The following LRCH3 variants were observed in gnomAD, a reference collection of about 807,000 sequenced individuals.
LRCH3 encodes DISP complex protein LRCH3.
Under a neutral mutation model 104.5 loss-of-function variants are expected in LRCH3, and 68 were observed. That is an observed-to-expected ratio of 0.65 (90% CI 0.54 to 0.80). LRCH3 has a LOEUF of 0.80. LRCH3 is among the 30% of genes least tolerant of loss of function. The pLI, the probability that LRCH3 is intolerant of heterozygous loss-of-function variation, is 0.00. For synonymous variants in LRCH3, 344 were observed against 361.3 expected (o/e 0.95, Z 0.54); for missense variants, 951 against 953.9 (o/e 1.00, Z 0.04).
In LRCH3 at chr3:197,854,406, CAGA is replaced by C. The variant is rs749508092; in HGVS notation, c.1608_1610del (p.Arg537del). 1 of 1,614,094 alleles carries C rather than the reference CAGA, an allele frequency of 6.2e-7. No individual in the cohort carries two copies. The highest frequency in any genetic ancestry group is 1.1e-5 in the South Asian group (1 of 91,078). On this transcript the variant is annotated inframe_deletion, in exon 14 of 21. Coordinates refer to ENST00000425562, the MANE Select transcript of LRCH3 (RefSeq NM_001365715.1). The surrounding 1 kb of genome is among the most constrained non-coding windows in gnomAD (Gnocchi z 4.5). ...CATCTCTCCAGTGCCCCTTCCCATC[CAGA>C]AGGTCTCAGCACACTGATGATAGTG...
Position 197,825,297 on chromosome 3 carries a change from A to T in LRCH3, c.641-1581A>T, listed in dbSNP as rs1054159934. On this transcript the variant is annotated intron_variant, in intron 4 of 20. Transcript: ENST00000425562. Reference sequence around the variant, plus strand: ...GTTGTTTTAATTTAATGTGCTGGATACTTGGTGGGCCCCTTTCCAAACCAG... The same window carrying T: ...GTTGTTTTAATTTAATGTGCTGGATTCTTGGTGGGCCCCTTTCCAAACCAG... Among the ~76,000 whole-genome samples, 4 of 149,796 alleles carry T rather than the reference A, an allele frequency of 2.7e-5. No homozygotes were observed. In the East Asian group the frequency reaches 7.8e-4, roughly 29 times the overall value.
Position 197,866,124 on chromosome 3 carries a change from C to T in LRCH3, c.1778C>T (p.Pro593Leu), listed in dbSNP as rs1265617970. ...CATGCTAATTTAGTTCATCATTCCC[C>T]TGCATATTCTTTTCCTGCTGCTATC... ...SPATETVHHS[P>L]AYSFPAAIQR... The change falls in exon 17 of 21, where the codon CCT (proline) becomes CTT (leucine). Residue 593 changes from proline to leucine, a missense_variant. Physicochemically the swap from Pro to Leu is moderately conservative, Grantham distance 98. Coordinates refer to ENST00000425562, the MANE Select transcript of LRCH3 (RefSeq NM_001365715.1). The T allele has an allele frequency of 1.9e-6, 3 of 1,612,448 alleles. No homozygotes were observed. The highest frequency in any genetic ancestry group is 1.1e-5 in the South Asian group (1 of 91,030).
intron 1 of LRCH3, among the ~76,000 whole-genome samples, chr3:197,803,846 C>T (rs1580553649): frequency 6.6e-6 from 1 of 152,254 alleles, no homozygotes; most frequent in Non-Finnish European, 1.5e-5. Flanking sequence ...ACTGCTGTAA[C>T]GTTAACCAGG....
At chr3:197,879,985 A>C (rs9682957) in intron 20 of LRCH3, among the ~76,000 whole-genome samples, 19 of 146,294 alleles carry the variant, frequency 1.3e-4, no homozygotes, top group East Asian at 4.0e-4. Flanking sequence ...TCGCTCTGTC[A>C]CCCAGGCTGG....
At chr3:197,837,920 T>G in intron 9 of LRCH3, among the ~76,000 whole-genome samples, 1 of 151,030 alleles carries the variant, frequency 6.6e-6, no homozygotes, top group Non-Finnish European at 1.5e-5. Flanking sequence ...CTTAGCTGGG[T>G]GTCATGGCAG....
At position 197,817,282 on chromosome 3, in the gene LRCH3, C is replaced by T; in HGVS notation, c.514C>T (p.Leu172Phe). 6.2e-7 allele frequency: 1 copy of T among 1,600,550 alleles called. No homozygotes were observed. The highest frequency in any genetic ancestry group is 2.3e-5 in the East Asian group (1 of 44,062). Residue 172 changes from leucine (L) to phenylalanine (F), a missense_variant, in exon 3 of 21, where the codon CTT (leucine) becomes TTT (phenylalanine). Leu to Phe is a conservative substitution (Grantham distance 22). Coordinates refer to ENST00000425562, the MANE Select transcript of LRCH3 (RefSeq NM_001365715.1). ...GTCACTTCCAGAAGAAATTGGACAC[C>T]TTAGACATTTGATGGAACTTGTAAG... Reference protein sequence around the residue: ...LVSLPEEIGHLRHLMELDVSC... With the variant: ...LVSLPEEIGHFRHLMELDVSC...
chr3:197,858,875 G>C lies in LRCH3; in HGVS notation c.1686G>C (p.Leu562=). The C allele has an allele frequency of 1.2e-6, 2 of 1,613,968 alleles. No homozygotes were observed. The highest frequency in any genetic ancestry group is 1.7e-6 in the Non-Finnish European group (2 of 1,179,898). Residue 562 remains leucine (L), a synonymous_variant, in exon 15 of 21, where the codon CTG becomes CTC. Transcript: ENST00000425562. The part of the protein sequence containing the change: ...GLNQVGCAAT[L]PHSSAFTPLK... ...ATCAAGTGGGCTGTGCTGCTACCCT[G>C]CCTCATTCTTCTGCCTTCACGCCTC...
At chr3:197,834,651 A>G (rs1344291213) in intron 8 of LRCH3, among the ~76,000 whole-genome samples, 2 of 152,218 alleles carry the variant, frequency 1.3e-5, no homozygotes, top group Admixed American at 6.5e-5. Flanking sequence ...ACAAAGATGC[A>G]CCTTTCAGTC....
intron 3 of LRCH3, among the ~76,000 whole-genome samples, chr3:197,818,020 A>G (rs559311953): frequency 2.1e-4 from 32 of 152,206 alleles, no homozygotes; most frequent in Admixed American, 5.9e-4. Context: ...ACAGGGTTTC[A>G]CCGTGTTAGC....
intron 8 of LRCH3, among the ~76,000 whole-genome samples, chr3:197,835,000 C>T (rs184545678): frequency 9.2e-5 from 14 of 151,980 alleles, no homozygotes; most frequent in Admixed American, 2.6e-4. Flanking sequence ...AAAAGTTAGC[C>T]GGGCGTGGTG....
rs1276226384 is a variant in LRCH3, at chr3:197,875,894, A to G, written c.2208+119A>G. ...CTGAGCTAAGTCGATCATAATTAAC[A>G]TGACTTTGTGTTACAAGAGTCAGTG... On this transcript the variant is annotated intron_variant, in intron 20 of 20. Transcript: ENST00000425562. 15 of 627,802 alleles carry G rather than the reference A, an allele frequency of 2.4e-5. No individual in the cohort carries two copies. In the East Asian group the frequency reaches 3.7e-4, roughly 16 times the overall value. 38.9% of individuals were successfully genotyped at this position (627,802 alleles called of 1,614,324 possible).
At chr3:197,803,498 T>G (rs1233289844) in intron 1 of LRCH3, among the ~76,000 whole-genome samples, 2 of 152,156 alleles carry the variant, frequency 1.3e-5, no homozygotes, top group Non-Finnish European at 1.5e-5. Context: ...GAAAAACATT[T>G]CCTTAGAATT....
Position 197,883,479 on chromosome 3 carries a change from G to T in LRCH3, c.2209-62G>T. ...GAGAAGTGCTTATTTTTTCCTTTCAGTTCTATGATATTCATCCGATTTTCT... is the reference window on the plus strand; with the variant it reads ...GAGAAGTGCTTATTTTTTCCTTTCATTTCTATGATATTCATCCGATTTTCT... On this transcript the variant is annotated intron_variant, in intron 20 of 20. Coordinates refer to ENST00000425562, the MANE Select transcript of LRCH3 (RefSeq NM_001365715.1). The surrounding 1 kb of genome is among the most constrained non-coding windows in gnomAD (Gnocchi z 4.2). 7 of 1,503,554 alleles carry T rather than the reference G, an allele frequency of 4.7e-6. No individual in the cohort carries two copies. Among genetic ancestry groups the T allele is most frequent in the Admixed American group, 4.2e-5 (2 of 47,140 alleles). 93.1% of individuals were successfully genotyped at this position (1,503,554 alleles called of 1,614,324 possible). A position where few individuals can be genotyped will look rare whatever the true frequency, so the allele number is the denominator to read the frequency against.
chr3:197,864,623 AC>A (rs1741258255), intron 15 of LRCH3, among the ~76,000 whole-genome samples: 2 of 150,142 alleles, frequency 1.3e-5, no homozygotes, highest in South Asian at 2.1e-4. Flanking sequence ...AAAAAAAAAA[AC>A]AAAAAACAAA....
chr3:197,834,295 T>TTA (rs1736389213), intron 8 of LRCH3, among the ~76,000 whole-genome samples: 1 of 152,202 alleles, frequency 6.6e-6, no homozygotes, highest in Non-Finnish European at 1.5e-5. Flanking sequence ...TAAAAATAAT[T>TTA]TATATACGTC....
At chr3:197,825,032 T>C (rs1283050744) in intron 4 of LRCH3, among the ~76,000 whole-genome samples, 1 of 152,244 alleles carries the variant, frequency 6.6e-6, no homozygotes, top group African/African-American at 2.4e-5. Context: ...TAAATGTCTT[T>C]ATTCTATGTT....
chr3:197,877,719 T>G (rs896421190), intron 20 of LRCH3, among the ~76,000 whole-genome samples: 2 of 152,302 alleles, frequency 1.3e-5, no homozygotes, highest in South Asian at 4.1e-4. Context: ...TTTTCTCTTA[T>G]GAAAGTAGAT....
At chr3:197,880,536 A>C in intron 20 of LRCH3, 1 of 1,536,228 alleles carries the variant, frequency 6.5e-7, no homozygotes, top group South Asian at 1.2e-5. Context: ...CCCTTCCGAC[A>C]TCCTTCAGCT....
At chr3:197,809,455 C>A (rs752390538) in intron 1 of LRCH3, among the ~76,000 whole-genome samples, 7 of 152,280 alleles carry the variant, frequency 4.6e-5, no homozygotes, top group Non-Finnish European at 7.4e-5. Context: ...GCTTTCACTT[C>A]AGTTCATTTT....
Sources: gnomAD v4.1 joint callset for allele counts (sites outside exome capture counted in the v4.1 genomes callset) on GRCh38, gnomAD v4.1.1 for gene constraint, Gnocchi (gnomAD v3.1) non-coding constraint, MANE v1.5 for transcripts, NCBI Gene and HGNC (gene_info 2026-07-23, HGNC 2026-07-21) for gene names.